EIF2AK2: variants seen among roughly 807,000 people sequenced by gnomAD.
EIF2AK2 encodes the protein eukaryotic translation initiation factor 2 alpha kinase 2.
EIF2AK2 carries 40 observed loss-of-function variants against 70.5 expected under a neutral mutation model. The ratio of observed to expected loss-of-function variants is 0.57; its 90% CI spans 0.44 to 0.74. EIF2AK2 has a LOEUF of 0.74. Among genes scored for constraint, EIF2AK2 ranks in the 30% least tolerant of loss-of-function variants. The pLI, the probability that EIF2AK2 is intolerant of heterozygous loss-of-function variation, is 0.00. For synonymous variants in EIF2AK2, 198 were observed against 220.9 expected, an observed-to-expected ratio of 0.90 and a Z score of 0.92; for missense variants, 555 against 644.3, an observed-to-expected ratio of 0.86 and a Z score of 1.50.
At position 37,138,529 on chromosome 2, in the gene EIF2AK2, G is replaced by C; in HGVS notation, c.573C>G (p.Asn191Lys). 6.2e-7 allele frequency: 1 copy of C among 1,614,112 alleles called. No homozygotes were observed. The highest frequency in any genetic ancestry group is 1.1e-5 in the South Asian group (1 of 91,080). The change falls in exon 7 of 17, where the codon AAC becomes AAG. Residue 191 changes from asparagine (N) to lysine (K), a missense_variant. Transcript: ENST00000233057. ...SFATTCESQS[N>K]SLVTSTLASE... is the part of the protein sequence containing the mutation. Reference sequence around the variant, plus strand: ...CTTACAGTGTGCTGGTCACTAAAGAGTTGCTTTGGGACTCACACGTAGTAG... The same window carrying C: ...CTTACAGTGTGCTGGTCACTAAAGACTTGCTTTGGGACTCACACGTAGTAG...
chr2:37,115,448 G>A (rs1237597257), intron 13 of EIF2AK2, among the ~76,000 whole-genome samples: 3 of 151,988 alleles, frequency 2.0e-5, no homozygotes, highest in African/African-American at 7.2e-5. Context: ...GTGCAAGGTG[G>A]ATTCACTCTG....
At chr2:37,144,037 C>T (rs1225449579) in intron 4 of EIF2AK2, among the ~76,000 whole-genome samples, 1 of 152,102 alleles carries the variant, frequency 6.6e-6, no homozygotes, top group Non-Finnish European at 1.5e-5. Flanking sequence ...TGACAGTGGT[C>T]CCATAAGATT....
intron 4 of EIF2AK2, among the ~76,000 whole-genome samples, chr2:37,144,374 A>G (rs1223680976): frequency 1.3e-5 from 2 of 151,550 alleles, no homozygotes; most frequent in African/African-American, 4.9e-5. Flanking sequence ...TAAAAAAAAA[A>G]AAGTAAACTG....
chr2:37,147,629 C>A, intron 3 of EIF2AK2, 59 bp downstream of exon 3: 2 of 1,157,922 alleles, frequency 1.7e-6, no homozygotes, highest in Non-Finnish European at 2.5e-6. Context: ...CATGTCCCTA[C>A]AAAGGACATG....
intron 15 of EIF2AK2, 80 bp downstream of exon 15, chr2:37,109,114 C>A: frequency 7.8e-7 from 1 of 1,284,486 alleles, no homozygotes; most frequent in Non-Finnish European, 1.1e-6. Flanking sequence ...CACGTGAGGG[C>A]AAGAACTGTC....
chr2:37,124,712 C>T (rs980548092), intron 11 of EIF2AK2, among the ~76,000 whole-genome samples: 1 of 151,702 alleles, frequency 6.6e-6, no homozygotes, highest in East Asian at 1.9e-4. Context: ...GGATATAAAT[C>T]CATAATTTGA....
rs1242587082 is a variant in EIF2AK2, at chr2:37,105,823, T to C, written c.*1450A>G. 1 of 152,248 alleles carries C rather than the reference T, an allele frequency of 6.6e-6. No homozygotes were observed. Among genetic ancestry groups the C allele is most frequent in the Non-Finnish European group, 1.5e-5 (1 of 68,088 alleles). The allele number at this position is 152,248 out of a possible 1,614,324, so 9.4% of individuals were successfully genotyped here. The stretch of plus-strand genomic sequence containing the variant: ...CAGACTTCCTGGGTGGTCTCCTCTC[T>C]ACTCATCTAACACCCTGGCATATAG... On this transcript the variant is annotated 3_prime_UTR_variant, in exon 17 of 17. Transcript: ENST00000233057.
chr2:37,133,228 C>T (rs1307186067), intron 10 of EIF2AK2, among the ~76,000 whole-genome samples: 2 of 152,192 alleles, frequency 1.3e-5, no homozygotes, highest in African/African-American at 4.8e-5. Context: ...CGGGCACTCT[C>T]ACGTAAACCT....
At chr2:37,138,961 A>AT (rs1675225321) in intron 6 of EIF2AK2, among the ~76,000 whole-genome samples, 1 of 145,684 alleles carries the variant, frequency 6.9e-6, no homozygotes, top group African/African-American at 2.6e-5. Context: ...ACACCCGTCT[A>AT]ATTTTTTTTT....
chr2:37,126,166 A>G, intron 11 of EIF2AK2, 123 bp downstream of exon 11: 2 of 1,291,616 alleles, frequency 1.5e-6, no homozygotes, highest in Non-Finnish European at 2.1e-6. Flanking sequence ...GTAGAATGAA[A>G]TGTTTAATGA....
chr2:37,141,729 T>C, intron 4 of EIF2AK2, 28 bp from the exon 5 acceptor site: 1 of 1,572,442 alleles, frequency 6.4e-7, no homozygotes, highest in Non-Finnish European at 8.6e-7. Flanking sequence ...TCCTGTTTAA[T>C]ATAAATGACA....
chr2:37,104,951 C>G lies in EIF2AK2; in HGVS notation c.*2322G>C, dbSNP rs564304993. On this transcript the variant is annotated 3_prime_UTR_variant, in exon 17 of 17. Transcript: ENST00000233057. ...GACCATTGTAAAGGTACATTTTCCC[C>G]TGTATAATTGATACCTCTTCTGTAG... The G allele has an allele frequency of 6.6e-6, 1 of 152,190 alleles. No homozygotes were observed. The highest frequency in any genetic ancestry group is 6.5e-5 in the Admixed American group (1 of 15,278). 9.4% of individuals were successfully genotyped at this position (152,190 alleles called of 1,614,324 possible). A position where few individuals can be genotyped will look rare whatever the true frequency, so the allele number is the denominator to read the frequency against.
rs1673780363 is a variant in EIF2AK2, at chr2:37,099,743, T to TACAA, written c.*7526_*7529dup. Reference sequence around the variant, plus strand: ...AGCATTATTCATGGTAGCCAAAAAGTACAAACAACCCAAATGTCCATCAGC... The same window carrying TACAA: ...AGCATTATTCATGGTAGCCAAAAAGTACAAACAAACAACCCAAATGTCCATCAGC... On this transcript the variant is annotated 3_prime_UTR_variant, in exon 17 of 17. Coordinates refer to ENST00000233057, the MANE Select transcript of EIF2AK2 (RefSeq NM_001135651.3). 1 of 152,100 alleles carries TACAA rather than the reference T, an allele frequency of 6.6e-6. No homozygotes were observed. The highest frequency in any genetic ancestry group is 1.5e-5 in the Non-Finnish European group (1 of 68,024). 9.4% of individuals were successfully genotyped at this position (152,100 alleles called of 1,614,324 possible).
At position 37,137,009 on chromosome 2, in the gene EIF2AK2, G is replaced by A; in HGVS notation, c.696C>T (p.Leu232=). 6.2e-7 allele frequency: 1 copy of A among 1,604,082 alleles called. No individual in the cohort carries two copies. Among genetic ancestry groups the A allele is most frequent in the Non-Finnish European group, 8.5e-7 (1 of 1,176,200 alleles). Residue 232 remains leucine (L), a synonymous_variant, in exon 9 of 17, where the codon CTC becomes CTT. Transcript: ENST00000233057. ...LNSSSLLMNG[L]RNNQRKAKRS... Reference sequence around the variant, plus strand: ...TTTTTGCCTTCCTTTGATTATTTCTGAGACCATTCTATAACAAAAGAAAAT... The same window carrying A: ...TTTTTGCCTTCCTTTGATTATTTCTAAGACCATTCTATAACAAAAGAAAAT...
chr2:37,112,250 A>G (rs1674188190), intron 14 of EIF2AK2, among the ~76,000 whole-genome samples: 1 of 152,182 alleles, frequency 6.6e-6, no homozygotes, highest in African/African-American at 2.4e-5. Flanking sequence ...GCAAAACTGC[A>G]GCCAGCCAGA....
At chr2:37,136,165 C>CACCTAAAACTAA (rs1246757045) in intron 9 of EIF2AK2, among the ~76,000 whole-genome samples, 1 of 152,150 alleles carries the variant, frequency 6.6e-6, no homozygotes, top group Non-Finnish European at 1.5e-5. Context: ...GTTTAAATAC[C>CACCTAAAACTAA]ACCTAAAACT....
Position 37,139,480 on chromosome 2 carries a change from ATGG to A in EIF2AK2, c.516+148_516+150del, listed in dbSNP as rs370377665. 2.0e-5 allele frequency: 22 copies of A among 1,116,910 alleles called. No individual in the cohort carries two copies. The African/African-American group carries it at 3.2e-4, about 16-fold the overall frequency. The allele number at this position is 1,116,910 out of a possible 1,614,324, so 69.2% of individuals were successfully genotyped here. A position where few individuals can be genotyped will look rare whatever the true frequency, so the allele number is the denominator to read the frequency against. On this transcript the variant is annotated intron_variant, in intron 6 of 16. Coordinates refer to ENST00000233057, the MANE Select transcript of EIF2AK2 (RefSeq NM_001135651.3). ...TATCCCTCTGAGGCCTCATGGCCCC[ATGG>A]TGCATGGCTCATCGGTACGACACAG...
At position 37,107,065 on chromosome 2, in the gene EIF2AK2, G is replaced by T; in HGVS notation, c.*208C>A. On this transcript the variant is annotated 3_prime_UTR_variant, in exon 17 of 17. Coordinates refer to ENST00000233057, the MANE Select transcript of EIF2AK2 (RefSeq NM_001135651.3). ...TTTAAAAAAAAAAAAAGAATAAAGA[G>T]ATGAGCCAGGAAAAAGTAAAATGTA... is the stretch of plus-strand genomic sequence containing the variant. 5 of 540,250 alleles carry T rather than the reference G, an allele frequency of 9.3e-6. No individual in the cohort carries two copies. Among genetic ancestry groups the T allele is most frequent in the Non-Finnish European group, 1.4e-5 (5 of 346,150 alleles). 33.5% of individuals were successfully genotyped at this position (540,250 alleles called of 1,614,324 possible). A position where few individuals can be genotyped will look rare whatever the true frequency, so the allele number is the denominator to read the frequency against.
chr2:37,109,076 CAG>C, intron 15 of EIF2AK2, 116 bp downstream of exon 15: 1 of 786,796 alleles, frequency 1.3e-6, no homozygotes, highest in South Asian at 2.0e-5. Flanking sequence ...CATTTGCAGT[CAG>C]ATACTAATAT....
Sources: allele counts gnomAD v4.1 joint callset (sites outside exome capture counted in the v4.1 genomes callset), GRCh38; gene constraint gnomAD v4.1.1; transcripts MANE v1.5; gene names NCBI Gene and HGNC (gene_info 2026-07-23, HGNC 2026-07-21).